Variants in MBNL1 observed in about 807,000 individuals in gnomAD.
MBNL1 encodes the protein muscleblind like splicing regulator 1.
MBNL1 carries 8 observed loss-of-function variants against 42.2 expected under a neutral mutation model. The observed-to-expected ratio is 0.19, with a 90% CI of 0.11 to 0.34. MBNL1 has a LOEUF of 0.34. Ranked by LOEUF, MBNL1 falls within the 10% of genes least tolerant of loss-of-function variation. The probability of loss-of-function intolerance (pLI) is 1.00; values close to 1 mark genes in which losing one functional copy is unlikely to be tolerated. For synonymous variants in MBNL1, 169 were observed against 173.9 expected, an observed-to-expected ratio of 0.97 and a Z score of 0.22; for missense variants, 309 against 495.3, an observed-to-expected ratio of 0.62 and a Z score of 3.57.
intron 2 of MBNL1, among the ~76,000 whole-genome samples, chr3:152,309,068 A>G (rs1013268668): frequency 2.0e-5 from 3 of 152,196 alleles, no homozygotes; most frequent in African/African-American, 4.8e-5. Flanking sequence ...GTTTCTCGAC[A>G]GCAATTGCAG....
chr3:152,342,006 A>G (rs1444165818), intron 2 of MBNL1, among the ~76,000 whole-genome samples: 1 of 152,140 alleles, frequency 6.6e-6, no homozygotes, highest in Non-Finnish European at 1.5e-5. Context: ...TACAATGATT[A>G]TTTTATTTAT....
At chr3:152,252,409 G>A (rs554313540) in intron 2 of MBNL1, among the ~76,000 whole-genome samples, 2 of 148,188 alleles carry the variant, frequency 1.3e-5, no homozygotes, top group Non-Finnish European at 3.0e-5. Flanking sequence ...CATTTTTATT[G>A]ATTTAATTTT....
intron 2 of MBNL1, among the ~76,000 whole-genome samples, chr3:152,407,905 C>T (rs1180949926): frequency 6.6e-6 from 1 of 152,112 alleles, no homozygotes; most frequent in East Asian, 1.9e-4. Context: ...CACATGTTCC[C>T]ACTTATAAGT....
intron 2 of MBNL1, among the ~76,000 whole-genome samples, chr3:152,313,762 G>GTGTGCACATACTAGCTTATT (rs1437476929): frequency 1.3e-5 from 2 of 152,124 alleles, no homozygotes; most frequent in Non-Finnish European, 2.9e-5. Context: ...ATGTATATAA[G>GTGTGCACATACTAGCTTATT]TGTGCACATA....
Position 152,244,423 on chromosome 3 carries a change from C to A in MBNL1, n.316C>A, listed in dbSNP as rs1239875953. ...ACCCATGAAGCAGCTTAACAAGCAACTATAACTAAGCATAGAGGTAAGAAC... is the reference window on the plus strand; with the variant it reads ...ACCCATGAAGCAGCTTAACAAGCAAATATAACTAAGCATAGAGGTAAGAAC... On this transcript the variant is annotated non_coding_transcript_exon_variant, in exon 2 of 3. Coordinates refer to the MBNL1 transcript ENST00000477171. 3.0e-5 allele frequency: 3 copies of A among 99,904 alleles called. No individual in the cohort carries two copies. In the East Asian group the frequency reaches 8.4e-4, roughly 28 times the overall value. The allele number at this position is 99,904 out of a possible 1,614,324, so 6.2% of individuals were successfully genotyped here. A position where few individuals can be genotyped will look rare whatever the true frequency, so the allele number is the denominator to read the frequency against.
At position 152,298,418 on chromosome 3, in the gene MBNL1, C is replaced by T. The variant is rs184255155; in HGVS notation, c.-789-987C>T. On this transcript the variant is annotated intron_variant, in intron 1 of 9. Coordinates refer to ENST00000324210, the MANE Select transcript of MBNL1 (RefSeq NM_021038.5). Reference sequence around the variant, plus strand: ...CAACAGGGGATCCCTCATCCCCCACCCTCCAGCTTTGTTTGGAATTGTACT... The same window carrying T: ...CAACAGGGGATCCCTCATCCCCCACTCTCCAGCTTTGTTTGGAATTGTACT... Among the ~76,000 whole-genome samples the T allele has an allele frequency of 5.9e-5, 9 of 152,336 alleles. 1 individual carries two copies. The East Asian group carries it at 1.3e-3, about 23-fold the overall frequency.
intron 2 of MBNL1, among the ~76,000 whole-genome samples, chr3:152,252,257 T>G (rs1022949824): frequency 3.4e-5 from 5 of 148,188 alleles, no homozygotes; most frequent in African/African-American, 1.2e-4. Context: ...CCTTCCTCCT[T>G]CCCTTTATTC....
Position 152,280,945 on chromosome 3 carries a change from T to C in MBNL1, c.-790+11853T>C, listed in dbSNP as rs531052824. Among the ~76,000 whole-genome samples the C allele has an allele frequency of 3.3e-5, 5 of 152,272 alleles. No individual in the cohort carries two copies. The East Asian group carries it at 9.6e-4, about 29-fold the overall frequency. ...ATAAAGTTTTACTATAAGATTTTAA[T>C]TGAAATTTTTAAGACAAATTAAGAA... On this transcript the variant is annotated intron_variant, in intron 1 of 9. Coordinates refer to ENST00000324210, the MANE Select transcript of MBNL1 (RefSeq NM_021038.5).
intron 3 of MBNL1, among the ~76,000 whole-genome samples, chr3:152,420,900 TA>T (rs1210633660): frequency 1.3e-5 from 2 of 152,192 alleles, no homozygotes; most frequent in Non-Finnish European, 2.9e-5. Context: ...GCTAACTGAA[TA>T]ACCAGTTTAG....
intron 2 of MBNL1, among the ~76,000 whole-genome samples, chr3:152,332,401 G>A (rs2085318138): frequency 6.6e-6 from 1 of 152,186 alleles, no homozygotes. Flanking sequence ...TTATGTGGGT[G>A]CAATATATAA....
chr3:152,254,552 T>C (rs993285230), intron 2 of MBNL1, among the ~76,000 whole-genome samples: 1 of 152,154 alleles, frequency 6.6e-6, no homozygotes, highest in Admixed American at 6.6e-5. Context: ...TTATTTTCAA[T>C]ATTTTTTTGT....
intron 2 of MBNL1, among the ~76,000 whole-genome samples, chr3:152,380,789 A>G (rs1418397774): frequency 2.6e-5 from 4 of 151,952 alleles, no homozygotes; most frequent in Admixed American, 2.0e-4. Context: ...GCCACTACAC[A>G]TTTTTCTAAG....
intron 2 of MBNL1, among the ~76,000 whole-genome samples, chr3:152,331,085 T>TTCCCTCTCTTTCTCTCCCTTC (rs2084103453): frequency 6.6e-6 from 1 of 151,864 alleles, no homozygotes; most frequent in Non-Finnish European, 1.5e-5. Context: ...TTTTCTCCTT[T>TTCCCTCTCTTTCTCTCCCTTC]TCCCTCTCTT....
At chr3:152,356,289 T>G (rs1363821190) in intron 2 of MBNL1, among the ~76,000 whole-genome samples, 5 of 151,780 alleles carry the variant, frequency 3.3e-5, no homozygotes, top group Admixed American at 6.6e-5. Context: ...TGAGATTGAC[T>G]AGAATTAATA....
At chr3:152,296,936 C>T (rs1388889882) in intron 1 of MBNL1, among the ~76,000 whole-genome samples, 2 of 152,022 alleles carry the variant, frequency 1.3e-5, no homozygotes, top group Admixed American at 1.3e-4. Context: ...TCTAGTGGGT[C>T]AGATATATAA....
intron 2 of MBNL1, chr3:152,340,864 A>G (rs768567431): frequency 8.7e-5 from 141 of 1,613,598 alleles, no homozygotes; most frequent in Non-Finnish European, 1.2e-4. Flanking sequence ...GACAAAGCCA[A>G]GCCAGTATAA....
rs565499614 is a variant in MBNL1 at position 152,323,969 on chromosome 3, A to T, written c.174+23602A>T. ...TATATGACATGCAGTTTGAAAGCAC[A>T]GGGTATGCAAAAATTATCCCCGTTT... On this transcript the variant is annotated intron_variant, in intron 2 of 9. Coordinates refer to ENST00000324210, the MANE Select transcript of MBNL1 (RefSeq NM_021038.5). Among the ~76,000 whole-genome samples the T allele has an allele frequency of 1.4e-4, 22 of 152,330 alleles. No individual in the cohort carries two copies. In the East Asian group the frequency reaches 1.5e-3, roughly 11 times the overall value.
At chr3:152,410,428 T>C (rs974480838) in intron 2 of MBNL1, among the ~76,000 whole-genome samples, 4 of 152,242 alleles carry the variant, frequency 2.6e-5, no homozygotes, top group Admixed American at 1.3e-4. Flanking sequence ...TTACTTTTAA[T>C]TGAAAAGTAC....
intron 8 of MBNL1, chr3:152,457,838 G>A (rs911644816): frequency 3.1e-6 from 1 of 327,522 alleles, no homozygotes; most frequent in East Asian, 5.8e-5. Context: ...ACATGCCCTT[G>A]GCCACCTGGG....
Sources: allele counts gnomAD v4.1 joint callset (sites outside exome capture counted in the v4.1 genomes callset), GRCh38; gene constraint gnomAD v4.1.1; transcripts MANE v1.5; gene names NCBI Gene and HGNC (gene_info 2026-07-23, HGNC 2026-07-21).